Variants in EIF4G3 observed in about 807,000 individuals in gnomAD.
EIF4G3 encodes eukaryotic translation initiation factor 4 gamma 3.
A neutral mutation model predicts 186.4 loss-of-function variants in EIF4G3; 34 were observed. That is an observed-to-expected ratio of 0.18 (90% CI 0.14 to 0.24). The LOEUF is 0.24. Among genes scored for constraint, EIF4G3 ranks in the 10% least tolerant of loss-of-function variants. The pLI is 1.00. For synonymous variants in EIF4G3, 673 were observed against 679.5 expected, an observed-to-expected ratio of 0.99 and a Z score of 0.15; for missense variants, 1,536 against 1,948.5, an observed-to-expected ratio of 0.79 and a Z score of 3.99.
intron 3 of EIF4G3, among the ~76,000 whole-genome samples, chr1:21,055,000 G>A (rs190384887): frequency 6.6e-6 from 1 of 151,880 alleles, no homozygotes; most frequent in African/African-American, 2.4e-5. Flanking sequence ...TTCCAATTTT[G>A]AGTGACTATT....
intron 4 of EIF4G3, among the ~76,000 whole-genome samples, chr1:21,044,636 CGTTTTTTTTTTT>C (rs950856889): frequency 3.8e-4 from 8 of 20,786 alleles, no homozygotes; most frequent in Admixed American, 8.8e-4. Flanking sequence ...AAACTTCATT[CGTTTTTTTTTTT>C]GTTTTTTTTT....
At chr1:21,063,589 A>G (rs1280633357) in intron 3 of EIF4G3, among the ~76,000 whole-genome samples, 1 of 151,748 alleles carries the variant, frequency 6.6e-6, no homozygotes, top group Non-Finnish European at 1.5e-5. Context: ...GTGGTGCACT[A>G]ATAACTTTTT....
intron 4 of EIF4G3, among the ~76,000 whole-genome samples, chr1:21,006,256 C>T (rs1350942232): frequency 1.3e-5 from 2 of 152,120 alleles, no homozygotes; most frequent in Non-Finnish European, 2.9e-5. Context: ...TACTACCATG[C>T]TTTGTTGAAA....
intron 2 of EIF4G3, among the ~76,000 whole-genome samples, chr1:21,126,952 A>AT (rs1017626176): frequency 6.6e-6 from 1 of 151,970 alleles, no homozygotes; most frequent in Non-Finnish European, 1.5e-5. Context: ...ATTATACTGT[A>AT]TTTTTTTATT....
chr1:20,864,349 G>C (rs886755612), intron 22 of EIF4G3, 127 bp downstream of exon 22: 4 of 738,928 alleles, frequency 5.4e-6, no homozygotes, highest in African/African-American at 5.3e-5. Flanking sequence ...ACAATGAGAC[G>C]GGCAAAAGAA....
In EIF4G3 at chr1:20,902,464, T is replaced by C. The variant is rs547373839; in HGVS notation, c.1752+2419A>G. 1.2e-3 allele frequency among the ~76,000 whole-genome samples: 185 copies of C among 152,084 alleles called. 1 individual carries two copies. The highest frequency in any genetic ancestry group is 4.2e-3 in the African/African-American group (175 of 41,498). On this transcript the variant is annotated intron_variant, in intron 15 of 36. Transcript: ENST00000602326. The stretch of plus-strand genomic sequence containing the variant: ...CAAATTATTTTAAAAGCTGACAAAA[T>C]AAATCTAAGAAAGGGGGAGCCTGAT...
intron 9 of EIF4G3, 102 bp from the exon 10 acceptor site, chr1:20,980,550 C>A: frequency 1.3e-6 from 1 of 794,978 alleles, no homozygotes; most frequent in Non-Finnish European, 1.9e-6. Flanking sequence ...AAGTAAAGTT[C>A]TCTGTGTAAG....
chr1:21,126,852 A>C (rs1285795108), intron 2 of EIF4G3, among the ~76,000 whole-genome samples: 2 of 152,170 alleles, frequency 1.3e-5, no homozygotes, highest in African/African-American at 2.4e-5. Context: ...TAAATGATCT[A>C]GTATTTGCAT....
intron 2 of EIF4G3, among the ~76,000 whole-genome samples, chr1:21,110,550 C>T (rs1171607870): frequency 6.6e-6 from 1 of 152,180 alleles, no homozygotes; most frequent in Non-Finnish European, 1.5e-5. Context: ...CCACCTCGGC[C>T]TTCCAAAGTG....
chr1:20,901,390 T>G (rs996088656), intron 15 of EIF4G3, among the ~76,000 whole-genome samples: 14 of 152,162 alleles, frequency 9.2e-5, no homozygotes, highest in Non-Finnish European at 2.1e-4. Flanking sequence ...AGACATTTAA[T>G]AATCTGAGAT....
chr1:21,068,375 T>TAAAAAAAAAAAAAAAAAAAAAAA lies in EIF4G3; in HGVS notation c.-195-17404_-195-17382dup, dbSNP rs869306512. Among the ~76,000 whole-genome samples the TAAAAAAAAAAAAAAAAAAAAAAA allele has an allele frequency of 5.6e-4, 38 of 67,820 alleles. 3 individuals are homozygous for TAAAAAAAAAAAAAAAAAAAAAAA. The highest frequency in any genetic ancestry group is 1.6e-3 in the East Asian group (4 of 2,450). The allele number at this position is 67,820 out of a possible 152,430, so 44.5% of individuals were successfully genotyped here. ...GGGCGACAGAGTGAAACTCTGTCTT[T>TAAAAAAAAAAAAAAAAAAAAAAA]AAAAAAAAAAAAAAAAAAAAAAAAA... is the stretch of plus-strand genomic sequence containing the variant. On this transcript the variant is annotated intron_variant, in intron 3 of 36. Transcript: ENST00000602326.
chr1:21,170,152 G>C (rs1211960804), intron 2 of EIF4G3, among the ~76,000 whole-genome samples: 2 of 151,678 alleles, frequency 1.3e-5, no homozygotes, highest in Non-Finnish European at 2.9e-5. Flanking sequence ...CTCCAGCCAG[G>C]GCGACAAGAG....
At chr1:20,860,884 T>A (rs947970167) in intron 23 of EIF4G3, among the ~76,000 whole-genome samples, 5 of 152,154 alleles carry the variant, frequency 3.3e-5, no homozygotes, top group African/African-American at 7.2e-5. Context: ...GAGAGAAAAA[T>A]AAAAATGATG....
chr1:20,957,542 T>C (rs973702476), intron 12 of EIF4G3, among the ~76,000 whole-genome samples: 2 of 126,394 alleles, frequency 1.6e-5, no homozygotes, highest in Non-Finnish European at 3.4e-5. Context: ...AAAAAAGAAA[T>C]AACAGAAATT....
At chr1:21,095,262 G>T (rs547814345) in intron 2 of EIF4G3, among the ~76,000 whole-genome samples, 1 of 152,242 alleles carries the variant, frequency 6.6e-6, no homozygotes, top group African/African-American at 2.4e-5. Context: ...TGGAATTTTA[G>T]AATTGCAAGA....
chr1:20,981,547 T>TATGTATACATACATAC (rs2078030983), intron 8 of EIF4G3, among the ~76,000 whole-genome samples: 2 of 128,512 alleles, frequency 1.6e-5, no homozygotes, highest in African/African-American at 7.2e-5. Context: ...GCACATACTG[T>TATGTATACATACATAC]ATGTATACAT....
At chr1:21,157,589 G>C (rs931491972) in intron 2 of EIF4G3, among the ~76,000 whole-genome samples, 1 of 151,956 alleles carries the variant, frequency 6.6e-6, no homozygotes. Flanking sequence ...CTTCTGTCTA[G>C]CCTCCCAAAG....
intron 14 of EIF4G3, among the ~76,000 whole-genome samples, chr1:20,926,173 T>C (rs991289485): frequency 3.3e-5 from 5 of 152,212 alleles, no homozygotes; most frequent in African/African-American, 1.2e-4. Flanking sequence ...AGAGGCAATA[T>C]TATAAAGACG....
intron 18 of EIF4G3, 73 bp downstream of exon 18, chr1:20,893,444 T>C: frequency 6.9e-7 from 1 of 1,454,746 alleles, no homozygotes; most frequent in Non-Finnish European, 9.3e-7. Context: ...AGCTGCTGTC[T>C]TGCCATGAGG....
Sources: gnomAD v4.1 joint callset for allele counts (sites outside exome capture counted in the v4.1 genomes callset) on GRCh38, gnomAD v4.1.1 for gene constraint, MANE v1.5 for transcripts, NCBI Gene and HGNC (gene_info 2026-07-23, HGNC 2026-07-21) for gene names.